PALS2: variants seen among roughly 807,000 people sequenced by gnomAD.
PALS2 encodes the protein protein associated with LIN7 2, MAGUK p55 family member.
PALS2 carries 27 observed loss-of-function variants against 61.6 expected under a neutral mutation model. The observed-to-expected ratio is 0.44, with a 90% CI of 0.32 to 0.60. The LOEUF (loss-of-function observed/expected upper bound fraction) is 0.60, where lower values mean the gene tolerates loss of function less well. Among genes scored for constraint, PALS2 ranks in the 20% least tolerant of loss-of-function variants. The pLI, the probability that PALS2 is intolerant of heterozygous loss-of-function variation, is 0.05. For synonymous variants in PALS2, 236 were observed against 218.6 expected (o/e 1.08, Z -0.70); for missense variants, 554 against 639.4 (o/e 0.87, Z 1.44).
Position 24,688,745 on chromosome 7 carries a change from A to T in PALS2, c.*1131A>T, listed in dbSNP as rs1165375376. On this transcript the variant is annotated 3_prime_UTR_variant, in exon 12 of 12. Coordinates refer to ENST00000222644, the MANE Select transcript of PALS2 (RefSeq NM_001303037.2). The stretch of plus-strand genomic sequence containing the variant: ...ATATACATTATATAATATGTATATT[A>T]TGTATTATATAATATATATAAAATG... 1.3e-5 allele frequency: 2 copies of T among 149,210 alleles called. No individual in the cohort carries two copies. The highest frequency in any genetic ancestry group is 3.0e-5 in the Non-Finnish European group (2 of 67,474). The allele number at this position is 149,210 out of a possible 1,614,324, so 9.2% of individuals were successfully genotyped here. A position where few individuals can be genotyped will look rare whatever the true frequency, so the allele number is the denominator to read the frequency against.
intron 1 of PALS2, among the ~76,000 whole-genome samples, chr7:24,593,052 G>A (rs1468519161): frequency 1.3e-5 from 2 of 152,058 alleles, no homozygotes; most frequent in Non-Finnish European, 2.9e-5. Context: ...ATTCAAAATT[G>A]GAGTTAATCC....
At chr7:24,645,655 A>G (rs1166095310) in intron 3 of PALS2, among the ~76,000 whole-genome samples, 3 of 152,270 alleles carry the variant, frequency 2.0e-5, no homozygotes, top group East Asian at 1.9e-4. Context: ...TCTGTGAAGA[A>G]TGTCATTGGT....
At chr7:24,645,455 T>A (rs1785784092) in intron 3 of PALS2, among the ~76,000 whole-genome samples, 6 of 152,298 alleles carry the variant, frequency 3.9e-5, no homozygotes, top group African/African-American at 1.4e-4. Context: ...CTAAGCTCTC[T>A]TTTCTGTTCC....
chr7:24,651,481 T>C (rs1216368460), intron 5 of PALS2, among the ~76,000 whole-genome samples: 1 of 152,212 alleles, frequency 6.6e-6, no homozygotes, highest in Non-Finnish European at 1.5e-5. Flanking sequence ...AAGATTGTTA[T>C]GAGGATTAAA....
intron 2 of PALS2, among the ~76,000 whole-genome samples, chr7:24,639,814 ATTTTTTTTTT>A (rs61073575): frequency 1.0e-5 from 1 of 96,250 alleles, no homozygotes; most frequent in South Asian, 3.2e-4. Context: ...TTCTAGTCTA[ATTTTTTTTTT>A]TTTTTTTTTT....
chr7:24,600,675 T>G (rs923433045), intron 1 of PALS2, among the ~76,000 whole-genome samples: 1 of 152,056 alleles, frequency 6.6e-6, no homozygotes, highest in Admixed American at 6.5e-5. Flanking sequence ...CATTTAACTA[T>G]TTTTTATAGG....
rs1788569101 is a variant in PALS2 at position 24,693,466 on chromosome 7, A to C, written c.*5852A>C. The C allele has an allele frequency of 6.6e-6, 1 of 152,102 alleles. No homozygotes were observed. The highest frequency in any genetic ancestry group is 1.5e-5 in the Non-Finnish European group (1 of 67,956). The allele number at this position is 152,102 out of a possible 1,614,324, so 9.4% of individuals were successfully genotyped here. The stretch of plus-strand genomic sequence containing the variant: ...AGCTGTAAATTACCAACATTAAACC[A>C]GAAGTCATTACCAGTTAAAATGTGT... On this transcript the variant is annotated 3_prime_UTR_variant, in exon 12 of 12. Coordinates refer to ENST00000222644, the MANE Select transcript of PALS2 (RefSeq NM_001303037.2).
At chr7:24,633,923 G>C (rs1785121816) in intron 2 of PALS2, among the ~76,000 whole-genome samples, 1 of 152,040 alleles carries the variant, frequency 6.6e-6, no homozygotes, top group South Asian at 2.1e-4. Context: ...TGTCCTAGTG[G>C]GTGTGAAGTG....
chr7:24,679,457 T>C lies in PALS2; in HGVS notation c.1317+124T>C. Reference sequence around the variant, plus strand: ...AGGGTGGAAAGGTGACTCCCTCCATTACCTTTGGGTGATAGAGAATGTTAT... The same window carrying C: ...AGGGTGGAAAGGTGACTCCCTCCATCACCTTTGGGTGATAGAGAATGTTAT... On this transcript the variant is annotated intron_variant, in intron 10 of 11. Transcript: ENST00000222644. 6 of 827,704 alleles carry C rather than the reference T, an allele frequency of 7.2e-6. No homozygotes were observed. In the South Asian group the frequency reaches 1.1e-4, roughly 15 times the overall value. 51.3% of individuals were successfully genotyped at this position (827,704 alleles called of 1,614,324 possible).
chr7:24,676,769 G>C (rs932802078), intron 9 of PALS2, among the ~76,000 whole-genome samples: 2 of 151,088 alleles, frequency 1.3e-5, no homozygotes, highest in African/African-American at 5.0e-5. Context: ...TGCTGTTTTG[G>C]TTACTGTAGC....
chr7:24,658,812 C>G (rs1225677242), intron 5 of PALS2, among the ~76,000 whole-genome samples: 2 of 152,104 alleles, frequency 1.3e-5, no homozygotes, highest in African/African-American at 4.8e-5. Context: ...GCGTCAGCCT[C>G]CCAAAGTGCT....
At position 24,588,203 on chromosome 7, in the gene PALS2, A is replaced by AT. The variant is rs564059946; in HGVS notation, c.-3+14618dup. Among the ~76,000 whole-genome samples the AT allele has an allele frequency of 2.6e-3, 394 of 152,122 alleles. 1 individual carries two copies. Among genetic ancestry groups the AT allele is most frequent in the Middle Eastern group, 0.01 (3 of 294 alleles). ...TGGACATGTTTGGAGACATAGGTCAATTTTTTTTACTTCCTTTTCTTCTAG... is the reference window on the plus strand; with the variant it reads ...TGGACATGTTTGGAGACATAGGTCAATTTTTTTTTACTTCCTTTTCTTCTAG... On this transcript the variant is annotated intron_variant, in intron 1 of 11. Transcript: ENST00000222644.
chr7:24,615,401 A>G (rs192949302), intron 1 of PALS2, among the ~76,000 whole-genome samples: 14 of 151,968 alleles, frequency 9.2e-5, no homozygotes, highest in Non-Finnish European at 2.1e-4. Context: ...CAGAAACAAA[A>G]CATGTCATAA....
intron 1 of PALS2, among the ~76,000 whole-genome samples, chr7:24,580,044 C>T (rs1442994547): frequency 6.6e-6 from 1 of 151,932 alleles, no homozygotes; most frequent in Admixed American, 6.6e-5. Flanking sequence ...GGGCCATATG[C>T]TTAGGAAAGG....
In PALS2 at chr7:24,581,024, C is replaced by G. The variant is rs148734097; in HGVS notation, c.-3+7431C>G. Among the ~76,000 whole-genome samples the G allele has an allele frequency of 2.3e-3, 350 of 152,264 alleles. 1 individual carries two copies. Among genetic ancestry groups the G allele is most frequent in the African/African-American group, 7.9e-3 (330 of 41,542 alleles). On this transcript the variant is annotated intron_variant, in intron 1 of 11. Transcript: ENST00000222644. ...TTAGTGGCTTATAAATAAATGTATT[C>G]TCTTACGATTCTGAAGGCCAGACAT... is the stretch of plus-strand genomic sequence containing the variant.
intron 1 of PALS2, among the ~76,000 whole-genome samples, chr7:24,591,609 A>G (rs1411204262): frequency 6.6e-6 from 1 of 152,162 alleles, no homozygotes. Context: ...AATAGTTCTC[A>G]TTATTCAAGA....
chr7:24,599,122 A>C (rs1004657539), intron 1 of PALS2, among the ~76,000 whole-genome samples: 2 of 152,202 alleles, frequency 1.3e-5, no homozygotes, highest in Admixed American at 6.5e-5. Context: ...AGAGAGTACT[A>C]ACACAAACAT....
intron 1 of PALS2, among the ~76,000 whole-genome samples, chr7:24,581,739 C>T (rs374536781): frequency 7.9e-5 from 12 of 152,124 alleles, no homozygotes; most frequent in African/African-American, 2.2e-4. Flanking sequence ...GTGATGAAGC[C>T]GAGAAACGTT....
At chr7:24,663,536 A>G (rs1786850213) in intron 5 of PALS2, 54 bp from the exon 6 acceptor site, 26 of 1,469,354 alleles carry the variant, frequency 1.8e-5, no homozygotes, top group Non-Finnish European at 2.4e-5. Flanking sequence ...GATTTTTTAA[A>G]TTCAGTGGCA....
Sources: allele counts gnomAD v4.1 joint callset (sites outside exome capture counted in the v4.1 genomes callset), GRCh38; gene constraint gnomAD v4.1.1; transcripts MANE v1.5; gene names NCBI Gene and HGNC (gene_info 2026-07-23, HGNC 2026-07-21).